Variants in SLC25A26 observed in about 807,000 individuals in gnomAD.
SLC25A26 encodes solute carrier family 25 member 26.
In SLC25A26, 36 loss-of-function variants were observed where a neutral mutation model predicts 37.8. The observed-to-expected ratio is 0.95, with a 90% confidence interval of 0.73 to 1.26. The LOEUF (loss-of-function observed/expected upper bound fraction) is 1.26, where lower values mean the gene tolerates loss of function less well. Ranked by LOEUF, SLC25A26 falls within the 50% of genes most tolerant of loss-of-function variation. The pLI is 0.00. For synonymous variants in SLC25A26, 129 were observed against 122.5 expected, an observed-to-expected ratio of 1.05 and a Z score of -0.35; for missense variants, 390 against 331.1, an observed-to-expected ratio of 1.18 and a Z score of -1.38.
chr3:66,159,112 T>C (rs2070322407), intron 1 of SLC25A26, among the ~76,000 whole-genome samples: 1 of 152,120 alleles, frequency 6.6e-6, no homozygotes, highest in East Asian at 1.9e-4. Context: ...CAAGAACACA[T>C]GGCAACACGG....
chr3:66,227,727 T>G (rs2071823154), intron 1 of SLC25A26, among the ~76,000 whole-genome samples: 1 of 152,130 alleles, frequency 6.6e-6, no homozygotes, highest in Non-Finnish European at 1.5e-5. Context: ...CTGGGGAGCT[T>G]TTTCGTGATA....
intron 5 of SLC25A26, among the ~76,000 whole-genome samples, chr3:66,289,022 T>A (rs1316191867): frequency 6.6e-6 from 1 of 152,174 alleles, no homozygotes; most frequent in Non-Finnish European, 1.5e-5. Context: ...TGTCATTCTA[T>A]CTGGCATGAG....
chr3:66,183,344 G>A (rs1254668347), intron 1 of SLC25A26, among the ~76,000 whole-genome samples: 1 of 151,868 alleles, frequency 6.6e-6, no homozygotes, highest in Non-Finnish European at 1.5e-5. Flanking sequence ...CCCTGACATG[G>A]ACTCAGATTC....
intron 9 of SLC25A26, among the ~76,000 whole-genome samples, chr3:66,373,838 C>G (rs1165124199): frequency 6.6e-6 from 1 of 152,212 alleles, no homozygotes; most frequent in East Asian, 1.9e-4. Flanking sequence ...TCTTAAGTGT[C>G]TCATTTTCCT....
chr3:66,256,259 T>G (rs1470212445), intron 3 of SLC25A26, among the ~76,000 whole-genome samples: 1 of 152,194 alleles, frequency 6.6e-6, no homozygotes, highest in Non-Finnish European at 1.5e-5. Context: ...ATACCCAATT[T>G]TAGGCCTTAC....
intron 2 of SLC25A26, among the ~76,000 whole-genome samples, chr3:66,239,231 A>G (rs1405218545): frequency 1.3e-5 from 2 of 150,592 alleles, no homozygotes; most frequent in Middle Eastern, 3.4e-3. Context: ...TCTTGAATTT[A>G]AGATCTATGT....
At chr3:66,298,334 A>C (rs1275099679) in intron 5 of SLC25A26, among the ~76,000 whole-genome samples, 1 of 152,116 alleles carries the variant, frequency 6.6e-6, no homozygotes, top group Non-Finnish European at 1.5e-5. Context: ...CTCTAGTAAA[A>C]CTCCTTGTCA....
At chr3:66,236,770 AC>A (rs1390926559) in intron 2 of SLC25A26, 70 bp downstream of exon 2, 1 of 1,188,000 alleles carries the variant, frequency 8.4e-7, no homozygotes, top group Non-Finnish European at 1.1e-6. Context: ...GTGTGGTCTT[AC>A]CCCCATAGAA....
At chr3:66,143,804 T>G (rs1365018830) in intron 1 of SLC25A26, among the ~76,000 whole-genome samples, 2 of 152,074 alleles carry the variant, frequency 1.3e-5, no homozygotes, top group Non-Finnish European at 1.5e-5. Flanking sequence ...TTGCTTGAGC[T>G]TGGGAGGCAG....
intron 5 of SLC25A26, among the ~76,000 whole-genome samples, chr3:66,301,539 G>A (rs2075076114): frequency 6.6e-6 from 1 of 152,170 alleles, no homozygotes; most frequent in Admixed American, 6.5e-5. Flanking sequence ...TCATTAGAAA[G>A]TAAAACTTTA....
In SLC25A26 at chr3:66,327,089, C is replaced by G. The variant is rs570325170; in HGVS notation, c.454-19275C>G. ...CCCCTAAAATAGAATGACTTCTGCTCTTTTAGGTGGGAACTTCTTCAGCTG... is the reference window on the plus strand; with the variant it reads ...CCCCTAAAATAGAATGACTTCTGCTGTTTTAGGTGGGAACTTCTTCAGCTG... On this transcript the variant is annotated intron_variant, in intron 5 of 9. Transcript: ENST00000354883. Among the ~76,000 whole-genome samples the G allele has an allele frequency of 6.3e-4, 96 of 152,316 alleles. 1 individual carries two copies. Among genetic ancestry groups the G allele is most frequent in the African/African-American group, 2.2e-3 (93 of 41,572 alleles).
intron 5 of SLC25A26, among the ~76,000 whole-genome samples, chr3:66,269,835 T>C (rs576087705): frequency 2.0e-5 from 3 of 152,338 alleles, no homozygotes; most frequent in Middle Eastern, 3.4e-3. Flanking sequence ...TACCTTGTTC[T>C]CTTTCAGTTT....
rs1700775163 is a variant in SLC25A26, at chr3:66,377,989, T to C, written c.*182T>C. 1 of 552,184 alleles carries C rather than the reference T, an allele frequency of 1.8e-6. No individual in the cohort carries two copies. The highest frequency in any genetic ancestry group is 3.2e-6 in the Non-Finnish European group (1 of 309,802). The allele number at this position is 552,184 out of a possible 1,614,324, so 34.2% of individuals were successfully genotyped here. A position where few individuals can be genotyped will look rare whatever the true frequency, so the allele number is the denominator to read the frequency against. The stretch of plus-strand genomic sequence containing the variant: ...GCTGGTATGAAGTCATTGGCCTGTA[T>C]GCCAGAGAGCTAAGAGAAGAAAACG... On this transcript the variant is annotated 3_prime_UTR_variant, in exon 10 of 10. Coordinates refer to ENST00000354883, the MANE Select transcript of SLC25A26 (RefSeq NM_001379210.1).
chr3:66,163,958 A>G (rs2070392823), intron 1 of SLC25A26, among the ~76,000 whole-genome samples: 1 of 152,246 alleles, frequency 6.6e-6, no homozygotes, highest in African/African-American at 2.4e-5. Flanking sequence ...GGTAAAGGCC[A>G]GGGATGCTGC....
chr3:66,148,920 T>C (rs2070158777), intron 1 of SLC25A26, among the ~76,000 whole-genome samples: 1 of 152,184 alleles, frequency 6.6e-6, no homozygotes, highest in Admixed American at 6.5e-5. Context: ...AGGGTTTGAA[T>C]GCATCTTAAC....
At chr3:66,295,246 C>A (rs1027435723) in intron 5 of SLC25A26, among the ~76,000 whole-genome samples, 1 of 151,898 alleles carries the variant, frequency 6.6e-6, no homozygotes, top group Non-Finnish European at 1.5e-5. Context: ...TTTTTTGAGA[C>A]GGAGTCCCGC....
intron 5 of SLC25A26, among the ~76,000 whole-genome samples, chr3:66,319,711 A>G (rs76945411): frequency 0.028 from 4,284 of 151,038 alleles, 205 homozygotes; most frequent in African/African-American, 0.098. Context: ...GGTCAGCTAA[A>G]CTGAAATCAA....
At chr3:66,317,893 C>G (rs986461359) in intron 5 of SLC25A26, among the ~76,000 whole-genome samples, 2 of 152,208 alleles carry the variant, frequency 1.3e-5, no homozygotes, top group African/African-American at 4.8e-5. Flanking sequence ...TGGCCAAGAA[C>G]TGACCCAGCC....
At chr3:66,282,053 G>T (rs1237609891) in intron 5 of SLC25A26, among the ~76,000 whole-genome samples, 1 of 131,026 alleles carries the variant, frequency 7.6e-6, no homozygotes, top group Non-Finnish European at 1.5e-5. Flanking sequence ...CGCCCAGGCC[G>T]GACTGCGGAC....
Sources: gnomAD v4.1 joint callset for allele counts (sites outside exome capture counted in the v4.1 genomes callset) on GRCh38, gnomAD v4.1.1 for gene constraint, MANE v1.5 for transcripts, NCBI Gene and HGNC (gene_info 2026-07-23, HGNC 2026-07-21) for gene names.